ARHGAP30: variants seen among roughly 807,000 people sequenced by gnomAD.
ARHGAP30 encodes the protein rho GTPase-activating protein 30.
Under a neutral mutation model 72.0 loss-of-function variants are expected in ARHGAP30, and 23 were observed. That is an observed-to-expected ratio of 0.32 (90% CI 0.23 to 0.45). The LOEUF is 0.45. Among genes scored for constraint, ARHGAP30 ranks in the 20% least tolerant of loss-of-function variants. The pLI, the probability that ARHGAP30 is intolerant of heterozygous loss-of-function variation, is 1.00. For synonymous variants in ARHGAP30, 576 were observed against 528.2 expected (o/e 1.09, Z -1.24); for missense variants, 1,319 against 1,383.4 (o/e 0.95, Z 0.74).
chr1:161,054,756 T>TG (rs1169862710), intron 3 of ARHGAP30, 51 bp from the exon 4 acceptor site: 4 of 1,524,710 alleles, frequency 2.6e-6, no homozygotes, highest in Non-Finnish European at 3.6e-6. Flanking sequence ...GCAATGCCCC[T>TG]GCTTACTCCC....
intron 1 of ARHGAP30, among the ~76,000 whole-genome samples, chr1:161,061,925 T>C (rs1652339795): frequency 6.6e-6 from 1 of 152,074 alleles, no homozygotes; most frequent in African/African-American, 2.4e-5. Context: ...CCGTCTCTAC[T>C]AAAAATACAA....
At chr1:161,059,519 C>T in intron 2 of ARHGAP30, 95 bp downstream of exon 2, 1 of 1,044,498 alleles carries the variant, frequency 9.6e-7, no homozygotes, top group Non-Finnish European at 1.4e-6. Context: ...CACTGCCTCT[C>T]ACTCCCCATC....
At chr1:161,052,882 A>T in intron 6 of ARHGAP30, 85 bp from the exon 7 acceptor site, 1 of 1,496,798 alleles carries the variant, frequency 6.7e-7, no homozygotes, top group Non-Finnish European at 9.0e-7. Context: ...CCCCTCGCCA[A>T]CTACCAGGTT....
At chr1:161,053,462 T>TCTCTCTCTCTCTCTCTCTC in intron 5 of ARHGAP30, 77 bp from the exon 6 acceptor site, 1 of 689,136 alleles carries the variant, frequency 1.5e-6, no homozygotes, top group Non-Finnish European at 2.2e-6. Flanking sequence ...AAATACCTTA[T>TCTCTCTCTCTCTCTCTCTC]TCTCTCTCTC....
At position 161,056,571 on chromosome 1, in the gene ARHGAP30, G is replaced by C. The variant is rs373898454; in HGVS notation, c.201-39C>G. The C allele has an allele frequency of 1.9e-6, 3 of 1,594,088 alleles. No homozygotes were observed. The African/African-American group carries it at 4.0e-5, about 21-fold the overall frequency. On this transcript the variant is annotated intron_variant, in intron 2 of 11. Transcript: ENST00000368013. ...GTGTGGTCAGGAGTGGTAGGGGTTG[G>C]GGTGATGTGGGGAGAGGTGGGTCCC...
In ARHGAP30 at chr1:161,047,931, G is replaced by A. The variant is rs1367009303; in HGVS notation, c.3090C>T (p.Ile1030=). Residue 1030 remains isoleucine, a synonymous_variant, in exon 12 of 12, where the codon ATC becomes ATT. Coordinates refer to ENST00000368013, the MANE Select transcript of ARHGAP30 (RefSeq NM_001025598.2). ...TCTEGGDYCL[I]PRTSPCSMIS... ...TCATGCTACAAGGGGAGGTTCTGGG[G>A]ATGAGGCAGTAATCCCCACCCTCAG... The A allele has an allele frequency of 6.2e-7, 1 of 1,613,582 alleles. No homozygotes were observed. Among genetic ancestry groups the A allele is most frequent in the Non-Finnish European group, 8.5e-7 (1 of 1,179,764 alleles).
Position 161,052,807 on chromosome 1 carries a change from G to T in ARHGAP30, c.665-10C>A. 6.2e-7 allele frequency: 1 copy of T among 1,609,310 alleles called. No homozygotes were observed. The highest frequency in any genetic ancestry group is 8.5e-7 in the Non-Finnish European group (1 of 1,178,524). On this transcript the variant is annotated splice_polypyrimidine_tract_variant and intron_variant, in intron 6 of 11. Transcript: ENST00000368013. ...CTCTCCACCTCACCACCTGGGAAAA[G>T]AAAAGGAATTGGCCAGCCAGGAACA...
chr1:161,062,600 G>C (rs1652392296), intron 1 of ARHGAP30, among the ~76,000 whole-genome samples: 1 of 151,600 alleles, frequency 6.6e-6, no homozygotes, highest in African/African-American at 2.4e-5. Context: ...GTGGTGGCAT[G>C]TGTCTGTAGT....
At chr1:161,060,596 CAAAA>C (rs34508166) in intron 1 of ARHGAP30, among the ~76,000 whole-genome samples, 9 of 92,096 alleles carry the variant, frequency 9.8e-5, no homozygotes, top group African/African-American at 8.4e-5. Flanking sequence ...AACTCCATCT[CAAAA>C]AAAAAAAAAA....
Position 161,047,834 on chromosome 1 carries a change from G to A in ARHGAP30, c.3187C>T (p.Arg1063Trp), listed in dbSNP as rs779729440. 8.7e-6 allele frequency: 14 copies of A among 1,610,852 alleles called. No homozygotes were observed. The highest frequency in any genetic ancestry group is 3.4e-5 in the Admixed American group (2 of 59,240). ...CTGGGGGGCAGACTAAGACGACTCCGGGATCCAGACCCTTCTGCACCTTCA... is the reference window on the plus strand; with the variant it reads ...CTGGGGGGCAGACTAAGACGACTCCAGGATCCAGACCCTTCTGCACCTTCA... ...PSEGAEGSGS[R>W]SRLSLPPREP... Residue 1063 changes from arginine (R) to tryptophan (W), a missense_variant, in exon 12 of 12, where the codon CGG becomes TGG. Coordinates refer to ENST00000368013, the MANE Select transcript of ARHGAP30 (RefSeq NM_001025598.2).
At chr1:161,052,164 A>G in intron 9 of ARHGAP30, 122 bp downstream of exon 9, 1 of 1,032,426 alleles carries the variant, frequency 9.7e-7, no homozygotes, top group South Asian at 1.3e-5. Flanking sequence ...TGGCTGGTAT[A>G]TAATAGGCAC....
chr1:161,064,847 AAGGAAAGGAAGGAG>A (rs1652639790), intron 1 of ARHGAP30, among the ~76,000 whole-genome samples: 2 of 77,186 alleles, frequency 2.6e-5, no homozygotes, highest in Non-Finnish European at 6.1e-5. Flanking sequence ...GAAAGAAAGA[AAGGAAAGGAAGGAG>A]AGGAAGGAGA....
intron 9 of ARHGAP30, 110 bp from the exon 10 acceptor site, chr1:161,051,825 C>T (rs1322216520): frequency 2.0e-5 from 29 of 1,437,124 alleles, no homozygotes; most frequent in South Asian, 3.0e-5. Context: ...TTGAAAGCAA[C>T]GATAGCCTGG....
intron 1 of ARHGAP30, among the ~76,000 whole-genome samples, chr1:161,062,981 A>G (rs1301380774): frequency 6.6e-6 from 1 of 151,656 alleles, no homozygotes; most frequent in Non-Finnish European, 1.5e-5. Context: ...TGCCCAGCTA[A>G]TTTTGTATTT....
chr1:161,059,766 T>G, intron 1 of ARHGAP30, 50 bp from the exon 2 acceptor site: 5 of 1,501,450 alleles, frequency 3.3e-6, no homozygotes, highest in Non-Finnish European at 4.6e-6. Flanking sequence ...ATCTGGGTGG[T>G]CAAAGACTGC....
At chr1:161,064,384 AAC>A (rs1652536502) in intron 1 of ARHGAP30, among the ~76,000 whole-genome samples, 1 of 152,256 alleles carries the variant, frequency 6.6e-6, no homozygotes, top group Admixed American at 6.5e-5. Flanking sequence ...TTGGAGATTT[AAC>A]AGAGAATATT....
Position 161,052,673 on chromosome 1 carries a change from G to T in ARHGAP30, c.789C>A (p.Pro263=). Residue 263 remains proline (P), a synonymous_variant, in exon 7 of 12, where the codon CCC becomes CCA. Transcript: ENST00000368013. ...LPSILQAGDG[P]PQMRPYHTII... Reference sequence around the variant, plus strand: ...TAGTATGGTAGGGCCGCATCTGTGGGGGTCCATCGCCAGCCTGCAGTATGC... The same window carrying T: ...TAGTATGGTAGGGCCGCATCTGTGGTGGTCCATCGCCAGCCTGCAGTATGC... 1 of 1,613,854 alleles carries T rather than the reference G, an allele frequency of 6.2e-7. No homozygotes were observed. Among genetic ancestry groups the T allele is most frequent in the Non-Finnish European group, 8.5e-7 (1 of 1,179,974 alleles).
chr1:161,066,974 C>T (rs1487891963), intron 1 of ARHGAP30, among the ~76,000 whole-genome samples: 1 of 152,148 alleles, frequency 6.6e-6, no homozygotes, highest in African/African-American at 2.4e-5. Context: ...ACATGAGCAG[C>T]ATACAAACCA....
chr1:161,049,577 G>A lies in ARHGAP30; in HGVS notation c.1533C>T (p.Ser511=). The part of the protein sequence containing the change: ...SLSQEVQDSF[S]FLEDSSSSEP... Reference sequence around the variant, plus strand: ...CTGAGCTGCTTGAGTCCTCTAGGAAGGAGAAGGAGTCCTGCACCTCCTGGG... The same window carrying A: ...CTGAGCTGCTTGAGTCCTCTAGGAAAGAGAAGGAGTCCTGCACCTCCTGGG... The change falls in exon 11 of 12, where the codon TCC becomes TCT. Residue 511 remains serine (S), a synonymous_variant. Coordinates refer to ENST00000368013, the MANE Select transcript of ARHGAP30 (RefSeq NM_001025598.2). 1 of 1,614,134 alleles carries A rather than the reference G, an allele frequency of 6.2e-7. No individual in the cohort carries two copies. The highest frequency in any genetic ancestry group is 8.5e-7 in the Non-Finnish European group (1 of 1,180,012).
Sources: gnomAD v4.1 joint callset for allele counts (sites outside exome capture counted in the v4.1 genomes callset) on GRCh38, gnomAD v4.1.1 for gene constraint, MANE v1.5 for transcripts, NCBI Gene and HGNC (gene_info 2026-07-23, HGNC 2026-07-21) for gene names.